The following KLF12 variants were observed in gnomAD, a reference collection of about 807,000 sequenced individuals.
KLF12 encodes Krueppel-like factor 12.
In KLF12, 9 loss-of-function variants were observed where a neutral mutation model predicts 37.8. The observed-to-expected ratio is 0.24, with a 90% confidence interval of 0.14 to 0.42. The LOEUF is 0.42. KLF12 is among the 10% of genes least tolerant of loss of function. KLF12 has a pLI of 1.00. For synonymous variants in KLF12, 208 were observed against 202.1 expected, an observed-to-expected ratio of 1.03 and a Z score of -0.25; for missense variants, 411 against 516.0, an observed-to-expected ratio of 0.80 and a Z score of 1.97.
intron 3 of KLF12, among the ~76,000 whole-genome samples, chr13:73,927,464 C>T (rs1479256521): frequency 6.6e-6 from 1 of 152,196 alleles, no homozygotes; most frequent in African/African-American, 2.4e-5. Flanking sequence ...GCCCATAACA[C>T]CCTTTCATCT....
chr13:74,235,873 AT>A, the KLF12 span, among the ~76,000 whole-genome samples: 2 of 150,810 alleles, frequency 1.3e-5, no homozygotes, highest in African/African-American at 4.9e-5. Flanking sequence ...ATATACACAC[AT>A]TTACTTTCAT....
At chr13:73,886,729 C>G (rs1455391147) in intron 3 of KLF12, among the ~76,000 whole-genome samples, 1 of 152,148 alleles carries the variant, frequency 6.6e-6, no homozygotes, top group Non-Finnish European at 1.5e-5. Flanking sequence ...CGGTGGCTCA[C>G]GCCTGTAATC....
At chr13:73,751,117 TAC>T (rs1336207766) in intron 6 of KLF12, among the ~76,000 whole-genome samples, 1 of 152,210 alleles carries the variant, frequency 6.6e-6, no homozygotes, top group Non-Finnish European at 1.5e-5. Context: ...GTATATGTGA[TAC>T]ATTTTCTTTA....
the KLF12 span, among the ~76,000 whole-genome samples, chr13:74,289,718 T>C: frequency 6.6e-6 from 1 of 152,140 alleles, no homozygotes; most frequent in Admixed American, 6.5e-5. Context: ...ACATTCTATA[T>C]AGAATGATTT....
At chr13:73,820,203 T>G (rs908589244) in intron 4 of KLF12, among the ~76,000 whole-genome samples, 4 of 152,194 alleles carry the variant, frequency 2.6e-5, no homozygotes, top group African/African-American at 9.7e-5. Context: ...AGGAATCATC[T>G]ATGACATTAA....
chr13:73,728,175 C>T (rs1594015533), intron 6 of KLF12, among the ~76,000 whole-genome samples: 1 of 152,276 alleles, frequency 6.6e-6, no homozygotes, highest in East Asian at 1.9e-4. Context: ...CCTTACATAT[C>T]TTTTGTTAAA....
At chr13:74,130,040 C>T (rs1878175503) in intron 1 of KLF12, among the ~76,000 whole-genome samples, 1 of 152,236 alleles carries the variant, frequency 6.6e-6, no homozygotes, top group Non-Finnish European at 1.5e-5. Context: ...GCAGGTCTAA[C>T]AGAGCCTAAG....
In KLF12 at chr13:73,720,377, T is replaced by C. The variant is rs572322812; in HGVS notation, c.870-4852A>G. The stretch of plus-strand genomic sequence containing the variant: ...GGCCTTTTTATAAAGAATGGGAATG[T>C]GCAAGTAACTACTGCATACACCAGT... On this transcript the variant is annotated intron_variant, in intron 6 of 7. Coordinates refer to ENST00000377669, the MANE Select transcript of KLF12 (RefSeq NM_007249.5). 1.6e-4 allele frequency among the ~76,000 whole-genome samples: 15 copies of C among 91,126 alleles called. No homozygotes were observed. In the East Asian group the frequency reaches 6.2e-3, roughly 38 times the overall value. The allele number at this position is 91,126 out of a possible 152,430, so 59.8% of individuals were successfully genotyped here. A position where few individuals can be genotyped will look rare whatever the true frequency, so the allele number is the denominator to read the frequency against.
intron 6 of KLF12, among the ~76,000 whole-genome samples, chr13:73,717,640 C>T (rs959746837): frequency 3.3e-5 from 5 of 151,944 alleles, no homozygotes; most frequent in African/African-American, 1.2e-4. Flanking sequence ...GCAAGATCTA[C>T]CACAGTAGAA....
intron 5 of KLF12, among the ~76,000 whole-genome samples, chr13:73,789,619 G>C (rs1881544299): frequency 6.6e-6 from 1 of 151,142 alleles, no homozygotes; most frequent in Non-Finnish European, 1.5e-5. Flanking sequence ...GGAAATAAAA[G>C]TTTCCCAGTT....
At chr13:73,895,819 ATTC>A (rs769326275) in intron 3 of KLF12, among the ~76,000 whole-genome samples, 2 of 108,888 alleles carry the variant, frequency 1.8e-5, no homozygotes, top group Non-Finnish European at 3.7e-5. Flanking sequence ...TCACCATGGA[ATTC>A]TTTTTTTTTT....
chr13:73,950,819 G>A (rs1890616474), intron 2 of KLF12, among the ~76,000 whole-genome samples: 1 of 152,180 alleles, frequency 6.6e-6, no homozygotes, highest in Non-Finnish European at 1.5e-5. Flanking sequence ...GAAAAGAATT[G>A]ACTTCAGTCC....
chr13:73,732,355 G>A (rs913846334), intron 6 of KLF12, among the ~76,000 whole-genome samples: 8 of 152,000 alleles, frequency 5.3e-5, no homozygotes. Flanking sequence ...CCCCCAAAGT[G>A]CTGGGATTAC....
chr13:74,006,330 T>A (rs1039909932), intron 1 of KLF12, among the ~76,000 whole-genome samples: 2 of 152,164 alleles, frequency 1.3e-5, no homozygotes, highest in Admixed American at 1.3e-4. Context: ...TACAGAGGTA[T>A]CTTCCAAGAG....
chr13:74,120,266 G>C (rs1593916448), intron 1 of KLF12, among the ~76,000 whole-genome samples: 2 of 152,238 alleles, frequency 1.3e-5, no homozygotes, highest in Non-Finnish European at 2.9e-5. Context: ...CGGATCACCT[G>C]AGGTCCGGAG....
chr13:73,926,075 G>T (rs1374991245), intron 3 of KLF12, among the ~76,000 whole-genome samples: 2 of 152,046 alleles, frequency 1.3e-5, no homozygotes, highest in Admixed American at 6.6e-5. Context: ...AAAAGATTTA[G>T]AATACTTTAT....
chr13:74,290,827 AT>A, the KLF12 span, among the ~76,000 whole-genome samples: 9 of 152,216 alleles, frequency 5.9e-5, no homozygotes, highest in Non-Finnish European at 1.3e-4. Context: ...TTTATACCTG[AT>A]TTACATGCCA....
chr13:74,131,281 G>GCA (rs1300072209), intron 1 of KLF12, among the ~76,000 whole-genome samples: 1 of 152,166 alleles, frequency 6.6e-6, no homozygotes, highest in African/African-American at 2.4e-5. Context: ...TGAGCAACAT[G>GCA]TATATTTTCA....
intron 3 of KLF12, among the ~76,000 whole-genome samples, chr13:73,885,670 G>C (rs532993155): frequency 4.5e-4 from 68 of 152,330 alleles, no homozygotes; most frequent in Admixed American, 9.8e-4. Context: ...TCTAGGAACA[G>C]AGAAAAGCAA....
Sources: gnomAD v4.1 joint callset for allele counts (sites outside exome capture counted in the v4.1 genomes callset) on GRCh38, gnomAD v4.1.1 for gene constraint, MANE v1.5 for transcripts, NCBI Gene and HGNC (gene_info 2026-07-23, HGNC 2026-07-21) for gene names.